Variants in ENTREP2 observed in about 807,000 individuals in gnomAD.
ENTREP2 encodes endosomal transmembrane epsin interactor 2, also known as protein ENTREP2.
chr15:29,223,339 G>T, the ENTREP2 span, among the ~76,000 whole-genome samples: 1 of 152,248 alleles, frequency 6.6e-6, no homozygotes, highest in Admixed American at 6.5e-5. Flanking sequence ...AGTTTGTCTG[G>T]CTTGGCTCCC....
chr15:29,667,780 T>A, the ENTREP2 span, among the ~76,000 whole-genome samples: 1 of 152,076 alleles, frequency 6.6e-6, no homozygotes, highest in Non-Finnish European at 1.5e-5. Context: ...ATAGGCGGGA[T>A]CCACTATGCC....
chr15:29,374,105 T>A, the ENTREP2 span: 24 of 152,222 alleles, frequency 1.6e-4, no homozygotes, highest in Admixed American at 1.5e-3. Context: ...AAACAATGAA[T>A]ATTTAATATA....
the ENTREP2 span, among the ~76,000 whole-genome samples, chr15:29,176,077 A>G: frequency 6.6e-6 from 1 of 152,282 alleles, no homozygotes; most frequent in African/African-American, 2.4e-5. Context: ...ACTGGCTGAC[A>G]TGCAGAAGTA....
chr15:29,174,505 G>A, the ENTREP2 span, among the ~76,000 whole-genome samples: 85 of 152,170 alleles, frequency 5.6e-4, no homozygotes, highest in African/African-American at 1.9e-3. Context: ...TGGCTAACAC[G>A]GTGAAACCTC....
the ENTREP2 span, among the ~76,000 whole-genome samples, chr15:29,232,627 G>A: frequency 3.4e-4 from 52 of 151,200 alleles, no homozygotes; most frequent in Non-Finnish European, 4.9e-4. Flanking sequence ...TTAGTAGCTG[G>A]GACTACAGGT....
the ENTREP2 span, among the ~76,000 whole-genome samples, chr15:29,655,143 C>G: frequency 2.0e-5 from 3 of 152,258 alleles, no homozygotes; most frequent in Admixed American, 1.3e-4. Flanking sequence ...TTTGGTAGAG[C>G]GTGATGATGG....
the ENTREP2 span, among the ~76,000 whole-genome samples, chr15:29,399,661 A>G: frequency 2.6e-5 from 4 of 152,258 alleles, no homozygotes; most frequent in Non-Finnish European, 5.9e-5. Flanking sequence ...TAACATTTTC[A>G]CTCCTCCAAA....
the ENTREP2 span, among the ~76,000 whole-genome samples, chr15:29,293,471 T>TG: frequency 6.6e-6 from 1 of 151,984 alleles, no homozygotes; most frequent in Admixed American, 6.5e-5. Context: ...TTAGCCAGGA[T>TG]GGTCTCGATC....
At chr15:29,468,409 G>A in the ENTREP2 span, among the ~76,000 whole-genome samples, 769 of 152,136 alleles carry the variant, frequency 5.1e-3, 7 homozygotes, top group African/African-American at 0.018. Context: ...TCCAGAGATC[G>A]AGACCAGCCT....
the ENTREP2 span, among the ~76,000 whole-genome samples, chr15:29,139,585 AAGG>A: frequency 6.6e-6 from 1 of 152,236 alleles, no homozygotes; most frequent in African/African-American, 2.4e-5. Context: ...TTCCACCAGG[AAGG>A]AGAACAAGCA....
chr15:29,456,655 C>T, the ENTREP2 span, among the ~76,000 whole-genome samples: 1 of 152,144 alleles, frequency 6.6e-6, no homozygotes, highest in Admixed American at 6.5e-5. Flanking sequence ...ACCTACGAAA[C>T]CCTGGAGAAA....
chr15:29,435,344 A>T, the ENTREP2 span, among the ~76,000 whole-genome samples: 1 of 152,084 alleles, frequency 6.6e-6, no homozygotes, highest in Non-Finnish European at 1.5e-5. Flanking sequence ...TCAAATGAGG[A>T]CACCCTCCTA....
the ENTREP2 span, among the ~76,000 whole-genome samples, chr15:29,364,773 C>T: frequency 6.6e-6 from 1 of 151,954 alleles, no homozygotes; most frequent in Non-Finnish European, 1.5e-5. Context: ...ATTTTTAGAA[C>T]AGTTTTAGGT....
At chr15:29,403,869 G>A in the ENTREP2 span, among the ~76,000 whole-genome samples, 2 of 152,170 alleles carry the variant, frequency 1.3e-5, no homozygotes. Flanking sequence ...AGGGTTGCCT[G>A]AATCCGCACA....
At chr15:29,289,575 G>A in the ENTREP2 span, among the ~76,000 whole-genome samples, 2 of 152,248 alleles carry the variant, frequency 1.3e-5, no homozygotes, top group South Asian at 4.2e-4. Flanking sequence ...GCACGGTGTG[G>A]TGGCTCACGT....
the ENTREP2 span, among the ~76,000 whole-genome samples, chr15:29,332,954 C>T: frequency 3.0e-5 from 4 of 131,406 alleles, no homozygotes; most frequent in Middle Eastern, 8.8e-3. Context: ...AGCGAAACTC[C>T]ATCTCAAAAA....
the ENTREP2 span, among the ~76,000 whole-genome samples, chr15:29,504,815 T>G: frequency 6.6e-6 from 1 of 152,354 alleles, no homozygotes; most frequent in African/African-American, 2.4e-5. Flanking sequence ...ATTTTTCATC[T>G]ATCAAACTAG....
chr15:29,484,363 T>C, the ENTREP2 span, among the ~76,000 whole-genome samples: 1 of 152,150 alleles, frequency 6.6e-6, no homozygotes, highest in Non-Finnish European at 1.5e-5. Flanking sequence ...AATAAATCTG[T>C]CACACCACCC....
At chr15:29,225,205 A>G in the ENTREP2 span, among the ~76,000 whole-genome samples, 355 of 152,344 alleles carry the variant, frequency 2.3e-3, 1 homozygote, top group African/African-American at 8.2e-3. Flanking sequence ...ACAGTGCAGC[A>G]GCGGGCTGAA....
Sources: allele counts gnomAD v4.1 joint callset (sites outside exome capture counted in the v4.1 genomes callset), GRCh38; gene constraint gnomAD v4.1.1; transcripts MANE v1.5; gene names NCBI Gene and HGNC (gene_info 2026-07-23, HGNC 2026-07-21).